Variants in PXDNL observed in about 807,000 individuals in gnomAD.
The protein encoded by PXDNL is peroxidasin like, also known as probable oxidoreductase PXDNL.
In PXDNL, 145 loss-of-function variants were observed where a neutral mutation model predicts 150.8. That is an observed-to-expected ratio of 0.96 (90% CI 0.84 to 1.10). PXDNL has a LOEUF of 1.10. Among genes scored for constraint, PXDNL ranks in the 50% least tolerant of loss-of-function variants. The pLI, the probability that PXDNL is intolerant of heterozygous loss-of-function variation, is 0.00. For missense variants in PXDNL, 2,087 were observed against 1,873.9 expected (o/e 1.11, Z -2.10); for synonymous variants, 757 against 725.7 (o/e 1.04, Z -0.69).
intron 4 of PXDNL, among the ~76,000 whole-genome samples, chr8:51,534,353 G>C (rs1005792967): frequency 1.3e-4 from 17 of 133,778 alleles, no homozygotes; most frequent in East Asian, 1.1e-3. Flanking sequence ...GGAGGGAGGT[G>C]GGGGGGGGTC....
intron 5 of PXDNL, among the ~76,000 whole-genome samples, chr8:51,484,916 A>C (rs540348054): frequency 6.6e-6 from 1 of 152,374 alleles, no homozygotes; most frequent in East Asian, 1.9e-4. Flanking sequence ...GTGTGAAGAG[A>C]GAAAACACGA....
chr8:51,501,578 ACT>A (rs1480954328), intron 4 of PXDNL, among the ~76,000 whole-genome samples: 3 of 151,626 alleles, frequency 2.0e-5, no homozygotes, highest in East Asian at 1.9e-4. Context: ...ACATCTACAC[ACT>A]CACACACACT....
intron 1 of PXDNL, among the ~76,000 whole-genome samples, chr8:51,668,691 T>C: frequency 6.6e-6 from 1 of 152,222 alleles, no homozygotes; most frequent in East Asian, 1.9e-4. Context: ...ACATACACAA[T>C]TCTGGCATCA....
chr8:51,685,999 T>C (rs1815864651), intron 1 of PXDNL, among the ~76,000 whole-genome samples: 2 of 152,226 alleles, frequency 1.3e-5, no homozygotes, highest in Non-Finnish European at 1.5e-5. Flanking sequence ...TTTCAGAAGT[T>C]CTTCCCATTG....
At chr8:51,469,379 G>T (rs1810274210) in intron 8 of PXDNL, among the ~76,000 whole-genome samples, 1 of 151,766 alleles carries the variant, frequency 6.6e-6, no homozygotes. Context: ...TTTATTTCTG[G>T]ATAATTCTAT....
rs139312306 is a variant in PXDNL, at chr8:51,676,055, A to G, written c.165-21295T>C. ...CAGCTCTAAGCTTTTGTTCCTCCTTATAACAGGGTTAAGATAATCACATGG... is the reference window on the plus strand; with the variant it reads ...CAGCTCTAAGCTTTTGTTCCTCCTTGTAACAGGGTTAAGATAATCACATGG... On this transcript the variant is annotated intron_variant, in intron 1 of 22. Transcript: ENST00000356297. Among the ~76,000 whole-genome samples the G allele has an allele frequency of 6.1e-3, 930 of 152,312 alleles. 6 individuals carry two copies. The highest frequency in any genetic ancestry group is 9.5e-3 in the Non-Finnish European group (646 of 68,030).
At chr8:51,349,051 A>C (rs1489646747) in intron 19 of PXDNL, among the ~76,000 whole-genome samples, 1 of 152,192 alleles carries the variant, frequency 6.6e-6, no homozygotes, top group African/African-American at 2.4e-5. Context: ...TTTCTGGTCT[A>C]TGTGTGACAT....
chr8:51,358,607 C>T (rs946915487), intron 19 of PXDNL, among the ~76,000 whole-genome samples: 6 of 152,192 alleles, frequency 3.9e-5, no homozygotes, highest in African/African-American at 1.2e-4. Flanking sequence ...TGTACCTCAA[C>T]CAAAGACAAG....
At chr8:51,379,297 G>C (rs1249804862) in intron 17 of PXDNL, among the ~76,000 whole-genome samples, 1 of 152,156 alleles carries the variant, frequency 6.6e-6, no homozygotes. Context: ...GGAGAAGGCT[G>C]TGGTGAGAGA....
intron 17 of PXDNL, among the ~76,000 whole-genome samples, chr8:51,391,919 G>C (rs991610402): frequency 5.3e-5 from 8 of 152,146 alleles, no homozygotes; most frequent in African/African-American, 1.7e-4. Flanking sequence ...TTTTGTATAA[G>C]GTGTAAGGAA....
chr8:51,553,926 C>T (rs1812547583), intron 4 of PXDNL, among the ~76,000 whole-genome samples: 1 of 151,808 alleles, frequency 6.6e-6, no homozygotes, highest in Admixed American at 6.6e-5. Flanking sequence ...GTGTTCTAAG[C>T]CATAATGTGA....
chr8:51,428,545 G>A (rs1242729339), intron 12 of PXDNL, among the ~76,000 whole-genome samples: 1 of 152,132 alleles, frequency 6.6e-6, no homozygotes, highest in East Asian at 1.9e-4. Flanking sequence ...GGACACAGCA[G>A]ACAGCCCAGT....
chr8:51,660,935 G>A (rs773892183), intron 1 of PXDNL, among the ~76,000 whole-genome samples: 8 of 152,098 alleles, frequency 5.3e-5, no homozygotes, highest in African/African-American at 9.7e-5. Flanking sequence ...TCCCTCAGGC[G>A]ATGCCCTTTG....
chr8:51,585,178 A>T (rs921482981), intron 3 of PXDNL, among the ~76,000 whole-genome samples: 2 of 152,194 alleles, frequency 1.3e-5, no homozygotes, highest in Admixed American at 1.3e-4. Context: ...AAAGATAATG[A>T]GTTAAATTTA....
chr8:51,404,796 G>A (rs1174247829), intron 17 of PXDNL, among the ~76,000 whole-genome samples: 1 of 152,214 alleles, frequency 6.6e-6, no homozygotes, highest in Admixed American at 6.5e-5. Context: ...AGGCAGAGCT[G>A]CCCACCAGTC....
At chr8:51,473,996 G>A (rs1255629789) in intron 7 of PXDNL, among the ~76,000 whole-genome samples, 4 of 152,156 alleles carry the variant, frequency 2.6e-5, no homozygotes, top group Non-Finnish European at 5.9e-5. Flanking sequence ...ACTTGACTGT[G>A]GTTTGAACTG....
intron 5 of PXDNL, among the ~76,000 whole-genome samples, chr8:51,495,530 T>C (rs1208397887): frequency 1.3e-5 from 2 of 152,006 alleles, no homozygotes; most frequent in Non-Finnish European, 1.5e-5. Flanking sequence ...GATAGACCGC[T>C]AGCAAGACTA....
At chr8:51,701,885 G>C (rs1297818984) in intron 1 of PXDNL, among the ~76,000 whole-genome samples, 1 of 152,106 alleles carries the variant, frequency 6.6e-6, no homozygotes, top group African/African-American at 2.4e-5. Flanking sequence ...TGAAGCCAGT[G>C]GTTCTCAGCT....
intron 5 of PXDNL, among the ~76,000 whole-genome samples, chr8:51,497,782 C>A (rs1811087634): frequency 6.6e-6 from 1 of 152,196 alleles, no homozygotes; most frequent in East Asian, 1.9e-4. Flanking sequence ...CAGGAAACAA[C>A]AGGTGCTGGA....
Sources: allele counts gnomAD v4.1 joint callset (sites outside exome capture counted in the v4.1 genomes callset), GRCh38; gene constraint gnomAD v4.1.1; transcripts MANE v1.5; gene names NCBI Gene and HGNC (gene_info 2026-07-23, HGNC 2026-07-21).